The following RBFOX1 variants were observed in gnomAD, a reference collection of about 807,000 sequenced individuals.
The protein encoded by RBFOX1 is RNA binding protein fox-1 homolog 1.
A neutral mutation model predicts 57.7 loss-of-function variants in RBFOX1; 8 were observed. The ratio of observed to expected loss-of-function variants is 0.14; its 90% CI spans 0.08 to 0.25. The LOEUF is 0.25. Among genes scored for constraint, RBFOX1 ranks in the 10% least tolerant of loss-of-function variants. The pLI is 1.00. For missense variants in RBFOX1, 611 were observed against 548.5 expected (o/e 1.11, Z -1.14); for synonymous variants, 326 against 222.4 (o/e 1.47, Z -4.15).
chr16:6,644,711 G>C (rs1395464606), intron 2 of RBFOX1, among the ~76,000 whole-genome samples: 2 of 152,138 alleles, frequency 1.3e-5, no homozygotes, highest in South Asian at 2.1e-4. Flanking sequence ...TCAATTTAGA[G>C]GTTTTCAGGG....
chr16:6,038,059 A>ATATCCCTATAT (rs2095389620), intron 1 of RBFOX1: 2 of 152,092 alleles, frequency 1.3e-5, no homozygotes, highest in African/African-American at 4.8e-5. Flanking sequence ...CATTCTACAG[A>ATATCCCTATAT]TATCCCTATA....
intron 4 of RBFOX1, among the ~76,000 whole-genome samples, chr16:7,216,022 C>A (rs556830526): frequency 1.3e-5 from 2 of 152,156 alleles, no homozygotes; most frequent in Non-Finnish European, 2.9e-5. Context: ...CGCGCCCAGC[C>A]TGGATGTTTT....
At chr16:6,605,195 A>C (rs1382783121) in intron 2 of RBFOX1, among the ~76,000 whole-genome samples, 1 of 152,130 alleles carries the variant, frequency 6.6e-6, no homozygotes, top group Non-Finnish European at 1.5e-5. Flanking sequence ...GATGTGATCA[A>C]ACCACTGTAC....
intron 4 of RBFOX1, among the ~76,000 whole-genome samples, chr16:7,061,721 C>T (rs1396830971): frequency 6.6e-6 from 1 of 152,142 alleles, no homozygotes; most frequent in Non-Finnish European, 1.5e-5. Flanking sequence ...CTGTATCAAA[C>T]AGCTCCAAGC....
At chr16:5,477,903 G>A (rs755299560) in intron 2 of RBFOX1, among the ~76,000 whole-genome samples, 5 of 152,162 alleles carry the variant, frequency 3.3e-5, no homozygotes, top group Non-Finnish European at 5.9e-5. Context: ...CAGAAAGGGC[G>A]TGATGTGAAA....
At chr16:6,132,759 C>G (rs748927935) in intron 1 of RBFOX1, among the ~76,000 whole-genome samples, 3 of 152,046 alleles carry the variant, frequency 2.0e-5, no homozygotes, top group Non-Finnish European at 4.4e-5. Flanking sequence ...GAGGCTGAGG[C>G]AGGCGGATCA....
At chr16:6,183,732 C>G (rs2097085370) in intron 1 of RBFOX1, among the ~76,000 whole-genome samples, 2 of 151,944 alleles carry the variant, frequency 1.3e-5, no homozygotes, top group Non-Finnish European at 1.5e-5. Flanking sequence ...ATATCCACAG[C>G]AAGGAGTTTA....
chr16:5,956,572 A>G (rs888421329), intron 4 of RBFOX1, among the ~76,000 whole-genome samples: 15 of 150,616 alleles, frequency 1.0e-4, no homozygotes, highest in African/African-American at 3.4e-4. Flanking sequence ...GAAAACAGGC[A>G]GTGGGCTGCT....
chr16:6,023,371 C>T (rs2095123044), intron 1 of RBFOX1, among the ~76,000 whole-genome samples: 1 of 151,940 alleles, frequency 6.6e-6, no homozygotes, highest in South Asian at 2.1e-4. Context: ...TAAGCTTAGT[C>T]CTTTTAGCTC....
At chr16:7,537,436 G>A (rs2081768378) in intron 5 of RBFOX1, among the ~76,000 whole-genome samples, 1 of 152,194 alleles carries the variant, frequency 6.6e-6, no homozygotes, top group Non-Finnish European at 1.5e-5. Flanking sequence ...GTCAGTTGAT[G>A]TGACTCAGTG....
chr16:6,630,014 G>A (rs1277478496), intron 2 of RBFOX1, among the ~76,000 whole-genome samples: 1 of 148,408 alleles, frequency 6.7e-6, no homozygotes, highest in African/African-American at 2.5e-5. Flanking sequence ...GAGAAAAATG[G>A]AAAGATTAAA....
At chr16:7,363,659 A>G (rs1427840903) in intron 4 of RBFOX1, among the ~76,000 whole-genome samples, 1 of 152,190 alleles carries the variant, frequency 6.6e-6, no homozygotes, top group Non-Finnish European at 1.5e-5. Context: ...TAAAGCCATC[A>G]GATCCCTTTT....
chr16:6,927,514 C>A (rs1044085659), intron 3 of RBFOX1, among the ~76,000 whole-genome samples: 2 of 150,512 alleles, frequency 1.3e-5, no homozygotes, highest in Non-Finnish European at 1.5e-5. Flanking sequence ...CATGGAAGCT[C>A]CATGTGAGCA....
At chr16:6,560,489 G>T (rs923282389) in intron 2 of RBFOX1, among the ~76,000 whole-genome samples, 3 of 152,076 alleles carry the variant, frequency 2.0e-5, no homozygotes, top group Admixed American at 2.0e-4. Flanking sequence ...AAAGATCTAA[G>T]GCTTGAGAGT....
At chr16:7,036,318 G>A (rs762801107) in intron 3 of RBFOX1, among the ~76,000 whole-genome samples, 5 of 151,950 alleles carry the variant, frequency 3.3e-5, no homozygotes, top group Non-Finnish European at 7.4e-5. Flanking sequence ...TTCAGAAGCA[G>A]TAGCCAATTT....
chr16:5,356,565 C>G (rs373302957), intron 1 of RBFOX1, among the ~76,000 whole-genome samples: 36 of 152,292 alleles, frequency 2.4e-4, no homozygotes, highest in African/African-American at 7.0e-4. Context: ...GATTTTATCT[C>G]TCTGTTGTGT....
At chr16:5,739,336 G>T (rs2052694106) in intron 3 of RBFOX1, among the ~76,000 whole-genome samples, 2 of 152,252 alleles carry the variant, frequency 1.3e-5, no homozygotes, top group Admixed American at 6.5e-5. Context: ...GTTCTGCGTA[G>T]CAGGCAGTAC....
chr16:6,148,293 C>G lies in RBFOX1; in HGVS notation c.-127+128301C>G, dbSNP rs556613387. ...AGTGAGCCAAGATAGCGCCACTGCA[C>G]TCCAGCCTGGGCGACGGAGTGAGAC... On this transcript the variant is annotated intron_variant, in intron 1 of 15. Transcript: ENST00000550418. 5.9e-5 allele frequency among the ~76,000 whole-genome samples: 9 copies of G among 152,364 alleles called. No homozygotes were observed. In the East Asian group the frequency reaches 1.7e-3, roughly 29 times the overall value.
intron 1 of RBFOX1, among the ~76,000 whole-genome samples, chr16:6,098,312 A>G (rs1025609151): frequency 6.6e-6 from 1 of 152,198 alleles, no homozygotes; most frequent in Admixed American, 6.5e-5. Context: ...GACCCAGAAT[A>G]GAAACGCCAC....
Sources: allele counts gnomAD v4.1 joint callset (sites outside exome capture counted in the v4.1 genomes callset), GRCh38; gene constraint gnomAD v4.1.1; transcripts MANE v1.5; gene names NCBI Gene and HGNC (gene_info 2026-07-23, HGNC 2026-07-21).